The following TMEM164 variants were observed in gnomAD, a reference collection of about 807,000 sequenced individuals.
TMEM164 encodes the protein transmembrane protein 164, also known as RP13-360B22.2.
A neutral mutation model predicts 18.8 loss-of-function variants in TMEM164; 4 were observed. The observed-to-expected ratio is 0.21, with a 90% CI of 0.10 to 0.49. The LOEUF (loss-of-function observed/expected upper bound fraction) is 0.49. Among genes scored for constraint, TMEM164 ranks in the 20% least tolerant of loss-of-function variants. TMEM164 has a pLI of 0.98. For synonymous variants in TMEM164, 86 were observed against 101.7 expected (o/e 0.85, Z 0.93); for missense variants, 108 against 239.9 (o/e 0.45, Z 3.63).
intron 2 of TMEM164, among the ~76,000 whole-genome samples, chrX:110,051,572 T>A (rs1935556571): frequency 1.0e-5 from 1 of 96,343 alleles, no homozygotes. Flanking sequence ...AAAAGAGAGG[T>A]AACTTTCTTT....
In TMEM164 at chrX:110,177,495, C is replaced by A. The variant is rs762590496; in HGVS notation, c.*4044C>A. 8.9e-6 allele frequency: 1 copy of A among 112,393 alleles called. No homozygotes were observed. The highest frequency in any genetic ancestry group is 9.4e-5 in the Admixed American group (1 of 10,683). 9.3% of individuals were successfully genotyped at this position (112,393 alleles called of 1,213,427 possible). A position where few individuals can be genotyped will look rare whatever the true frequency, so the allele number is the denominator to read the frequency against. On this transcript the variant is annotated 3_prime_UTR_variant, in exon 7 of 7. Coordinates refer to ENST00000372068, the MANE Select transcript of TMEM164 (RefSeq NM_032227.4). ...TGTACTCTCCCTAAACAGCAGCAGG[C>A]TTAGGATTTTTGTCAGGCTGGTTCT...
chrX:110,172,945 G>T (rs2067250830), intron 6 of TMEM164, among the ~76,000 whole-genome samples: 1 of 111,959 alleles, frequency 8.9e-6, no homozygotes, highest in Non-Finnish European at 1.9e-5. Context: ...CCTCTCCGGG[G>T]TCTAGGCACA....
At chrX:110,091,393 C>T (rs1446560087) in intron 3 of TMEM164, among the ~76,000 whole-genome samples, 13 of 111,877 alleles carry the variant, frequency 1.2e-4, no homozygotes, top group East Asian at 1.1e-3. Flanking sequence ...TTTTAATGAT[C>T]GCCATTCTAA....
intron 2 of TMEM164, among the ~76,000 whole-genome samples, chrX:110,052,076 G>A (rs1430335488): frequency 9.0e-6 from 1 of 111,094 alleles, no homozygotes; most frequent in African/African-American, 3.3e-5. Context: ...ATTCAACAAT[G>A]TTTGTATTTT....
In TMEM164 at chrX:110,066,865, A is replaced by C. The variant is rs73540248; in HGVS notation, c.391-482A>C. ...CAGTTTGATAGGGTTGCCAGCTAAA[A>C]TAAATACAGGACATATTTATACTAA... On this transcript the variant is annotated intron_variant, in intron 2 of 6. Coordinates refer to ENST00000372068, the MANE Select transcript of TMEM164 (RefSeq NM_032227.4). 2.4e-3 allele frequency among the ~76,000 whole-genome samples: 269 copies of C among 111,855 alleles called. 1 individual carries two copies. The highest frequency in any genetic ancestry group is 8.3e-3 in the African/African-American group (256 of 30,854).
At chrX:110,007,027 T>C in intron 2 of TMEM164, among the ~76,000 whole-genome samples, 1 of 112,327 alleles carries the variant, frequency 8.9e-6, no homozygotes, top group Non-Finnish European at 1.9e-5. Context: ...AGAGTCAGTG[T>C]AAGTTTGTAA....
chrX:110,017,788 C>G (rs1390682288), intron 2 of TMEM164, among the ~76,000 whole-genome samples: 1 of 108,354 alleles, frequency 9.2e-6, no homozygotes, highest in Non-Finnish European at 1.9e-5. Context: ...AGGCTGGTCT[C>G]GAACTCCTGA....
chrX:110,101,888 A>G lies in TMEM164; in HGVS notation c.441-7192A>G, dbSNP rs183490338. Among the ~76,000 whole-genome samples the G allele has an allele frequency of 3.2e-3, 345 of 108,025 alleles. 3 individuals are homozygous for G. Among genetic ancestry groups the G allele is most frequent in the Admixed American group, 5.1e-3 (52 of 10,099 alleles). The allele number at this position is 108,025 out of a possible 115,157, so 93.8% of individuals were successfully genotyped here. On this transcript the variant is annotated intron_variant, in intron 3 of 6. Coordinates refer to ENST00000372068, the MANE Select transcript of TMEM164 (RefSeq NM_032227.4). ...GCGAGGCACTGAGCCCTGCCTCTCTATTGTTTTTCTTTTCCATTTCATTGA... is the reference window on the plus strand; with the variant it reads ...GCGAGGCACTGAGCCCTGCCTCTCTGTTGTTTTTCTTTTCCATTTCATTGA...
At chrX:110,039,665 A>G (rs1380773819) in intron 2 of TMEM164, among the ~76,000 whole-genome samples, 1 of 112,236 alleles carries the variant, frequency 8.9e-6, no homozygotes, top group Non-Finnish European at 1.9e-5. Flanking sequence ...TGTGTTCCAT[A>G]CTTAAGCATC....
intron 2 of TMEM164, among the ~76,000 whole-genome samples, chrX:110,061,299 G>A (rs5942621): frequency 0.049 from 5,534 of 111,953 alleles, 138 homozygotes; most frequent in Non-Finnish European, 0.078. Context: ...TACTATTTTT[G>A]TCTCTATTTT....
chrX:110,031,954 A>C (rs772170665), intron 2 of TMEM164, among the ~76,000 whole-genome samples: 1 of 110,374 alleles, frequency 9.1e-6, no homozygotes, highest in South Asian at 3.8e-4. Context: ...ACCTCGGCTA[A>C]TGTGAAAGAA....
At chrX:110,177,951 C>T (rs1205396182), downstream of TMEM164, among the ~76,000 whole-genome samples, 2 of 112,067 alleles carry the variant, frequency 1.8e-5, no homozygotes, top group Non-Finnish European at 3.8e-5. Flanking sequence ...GCTGGTTGCC[C>T]TTGAATTCCC....
chrX:110,077,137 C>T (rs1314834823), intron 3 of TMEM164, among the ~76,000 whole-genome samples: 1 of 112,123 alleles, frequency 8.9e-6, no homozygotes, highest in Non-Finnish European at 1.9e-5. Context: ...TTGGGTGCTC[C>T]AATGTTGGGT....
At chrX:110,099,778 A>G (rs186797864) in intron 3 of TMEM164, among the ~76,000 whole-genome samples, 11 of 112,388 alleles carry the variant, frequency 9.8e-5, no homozygotes, top group East Asian at 8.4e-4. Flanking sequence ...CTTTGACTCT[A>G]TAGATCGTTT....
intron 2 of TMEM164, among the ~76,000 whole-genome samples, chrX:110,059,843 C>T (rs980228980): frequency 4.5e-5 from 5 of 111,390 alleles, no homozygotes; most frequent in African/African-American, 1.3e-4. Context: ...ATTGGACACC[C>T]GTGAATTAGA....
At chrX:110,138,094 C>G (rs894046181) in intron 4 of TMEM164, among the ~76,000 whole-genome samples, 35 of 112,045 alleles carry the variant, frequency 3.1e-4, no homozygotes, top group African/African-American at 1.1e-3. Flanking sequence ...GAAACCCCAG[C>G]TTTTGACCTA....
intron 2 of TMEM164, among the ~76,000 whole-genome samples, chrX:110,048,052 T>C (rs1935388941): frequency 8.9e-6 from 1 of 111,803 alleles, no homozygotes; most frequent in African/African-American, 3.3e-5. Context: ...ACCTTTCTGC[T>C]CATCTCTCCA....
intron 5 of TMEM164, among the ~76,000 whole-genome samples, chrX:110,152,056 C>CTTTTTTT (rs755801649): frequency 1.3e-4 from 10 of 77,493 alleles, no homozygotes; most frequent in African/African-American, 3.8e-4. Flanking sequence ...CTTTTCTTTT[C>CTTTTTTT]TTTTTTTTTT....
At chrX:110,036,991 T>C (rs1245093762) in intron 2 of TMEM164, among the ~76,000 whole-genome samples, 1 of 111,380 alleles carries the variant, frequency 9.0e-6, no homozygotes, top group Admixed American at 9.6e-5. Flanking sequence ...TGTAGAATAT[T>C]TAAAGTTATG....
Sources: gnomAD v4.1 joint callset for allele counts (sites outside exome capture counted in the v4.1 genomes callset) on GRCh38, gnomAD v4.1.1 for gene constraint, MANE v1.5 for transcripts, NCBI Gene and HGNC (gene_info 2026-07-23, HGNC 2026-07-21) for gene names.